The following JKAMP variants were observed in gnomAD, a reference collection of about 807,000 sequenced individuals.
JKAMP encodes JNK1/MAPK8 associated membrane protein.
In JKAMP, 20 loss-of-function variants were observed where a neutral mutation model predicts 40.2. The observed-to-expected ratio is 0.50, with a 90% CI of 0.35 to 0.72. The LOEUF (loss-of-function observed/expected upper bound fraction) is 0.72, where lower values mean the gene tolerates loss of function less well. Ranked by LOEUF, JKAMP falls within the 30% of genes least tolerant of loss-of-function variation. The pLI is 0.01. For missense variants in JKAMP, 276 were observed against 373.0 expected (o/e 0.74, Z 2.14); for synonymous variants, 138 against 131.6 (o/e 1.05, Z -0.33).
At chr14:59,501,886 T>C (rs1475663372) in intron 6 of JKAMP, among the ~76,000 whole-genome samples, 2 of 152,194 alleles carry the variant, frequency 1.3e-5, no homozygotes, top group Non-Finnish European at 2.9e-5. Flanking sequence ...AAAAATTGTG[T>C]ATGTCTTTAT....
chr14:59,505,235 T>G lies in JKAMP; in HGVS notation c.*1163T>G. The G allele has an allele frequency of 1.4e-6, 2 of 1,449,340 alleles. No homozygotes were observed. Among genetic ancestry groups the G allele is most frequent in the Non-Finnish European group, 1.9e-6 (2 of 1,079,838 alleles). 89.8% of individuals were successfully genotyped at this position (1,449,340 alleles called of 1,614,324 possible). On this transcript the variant is annotated 3_prime_UTR_variant, in exon 7 of 7. Coordinates refer to ENST00000616435, the MANE Select transcript of JKAMP (RefSeq NM_016475.5). ...TTTGAATTCACAGCAGTTGTATCCT[T>G]GAGTTACTTTGTTAATGTATTTTTC...
intron 5 of JKAMP, among the ~76,000 whole-genome samples, chr14:59,500,476 T>C (rs1938944489): frequency 6.6e-6 from 1 of 152,160 alleles, no homozygotes; most frequent in South Asian, 2.1e-4. Context: ...AGGAAAAAAT[T>C]TGCTTAAAGT....
intron 3 of JKAMP, among the ~76,000 whole-genome samples, chr14:59,492,028 A>C (rs1891054015): frequency 1.3e-5 from 2 of 152,186 alleles, no homozygotes; most frequent in South Asian, 4.1e-4. Context: ...GTGGTTACTA[A>C]ATAAAATAGC....
intron 6 of JKAMP, among the ~76,000 whole-genome samples, chr14:59,503,019 A>G (rs1432406213): frequency 6.6e-6 from 1 of 151,934 alleles, no homozygotes; most frequent in African/African-American, 2.4e-5. Context: ...CAGTGCTGAG[A>G]TTACAGGGGT....
intron 3 of JKAMP, among the ~76,000 whole-genome samples, chr14:59,491,324 C>T (rs368469549): frequency 7.9e-5 from 12 of 152,108 alleles, no homozygotes; most frequent in Admixed American, 3.9e-4. Context: ...TCCAGAAAGA[C>T]AAAAAGACTC....
intron 3 of JKAMP, among the ~76,000 whole-genome samples, chr14:59,490,289 G>A (rs1285186197): frequency 6.6e-6 from 1 of 152,162 alleles, no homozygotes; most frequent in Non-Finnish European, 1.5e-5. Context: ...ATTACTGTGA[G>A]CACAGCTCCA....
chr14:59,487,611 TG>T (rs944923781), intron 2 of JKAMP, 62 bp from the exon 3 acceptor site: 42 of 1,226,246 alleles, frequency 3.4e-5, no homozygotes, highest in African/African-American at 2.8e-4. Context: ...TAGAATGATT[TG>T]GGGGGGTGTT....
rs1473637093 is a variant in JKAMP at position 59,498,830 on chromosome 14, C to G, written c.562C>G (p.Arg188Gly). The G allele has an allele frequency of 2.5e-6, 4 of 1,611,622 alleles. No homozygotes were observed. Among genetic ancestry groups the G allele is most frequent in the Non-Finnish European group, 3.4e-6 (4 of 1,178,266 alleles). Residue 188 changes from arginine (R) to glycine (G), a missense_variant, in exon 5 of 7, where the codon CGA becomes GGA. By Grantham distance (125) the Arg-to-Gly change is moderately radical. Transcript: ENST00000616435. ...KIACGLGKSD[R>G]FKSIYAALYF... ...TGCATGTGGGTTAGGGAAATCTGATCGATTTAAAAGTATTTATGCTGCACT... is the reference window on the plus strand; with the variant it reads ...TGCATGTGGGTTAGGGAAATCTGATGGATTTAAAAGTATTTATGCTGCACT...
Position 59,496,284 on chromosome 14 carries a change from T to C in JKAMP, c.458+1060T>C, listed in dbSNP as rs116031852. Reference sequence around the variant, plus strand: ...GCTATAATTTATATATAAAATACTATATAAAACACTGATAATGTCCTTTTT... The same window carrying C: ...GCTATAATTTATATATAAAATACTACATAAAACACTGATAATGTCCTTTTT... On this transcript the variant is annotated intron_variant, in intron 4 of 6. Coordinates refer to ENST00000616435, the MANE Select transcript of JKAMP (RefSeq NM_016475.5). 7.4e-3 allele frequency among the ~76,000 whole-genome samples: 1,116 copies of C among 150,932 alleles called. 14 individuals carry two copies. Among genetic ancestry groups the C allele is most frequent in the African/African-American group, 0.025 (1,053 of 41,298 alleles).
chr14:59,491,359 C>T (rs1313523598), intron 3 of JKAMP, among the ~76,000 whole-genome samples: 1 of 152,086 alleles, frequency 6.6e-6, no homozygotes, highest in Non-Finnish European at 1.5e-5. Context: ...GAGAGGAGTT[C>T]TAAAATTGTA....
chr14:59,502,773 T>TTTTTGTTTTGTTTTTTTTTTTTTTTTTTG (rs796697193), intron 6 of JKAMP, among the ~76,000 whole-genome samples: 1 of 102,836 alleles, frequency 9.7e-6, no homozygotes. Context: ...TTTTTTTTTT[T>TTTTTGTTTTGTTTTTTTTTTTTTTTTTTG]CGGAGTCTCA....
intron 4 of JKAMP, among the ~76,000 whole-genome samples, chr14:59,495,862 G>C (rs1357381410): frequency 3.3e-5 from 5 of 151,338 alleles, no homozygotes; most frequent in Non-Finnish European, 7.4e-5. Flanking sequence ...AAAACAACCA[G>C]ATATCTTAGA....
intron 6 of JKAMP, among the ~76,000 whole-genome samples, chr14:59,503,039 C>G (rs527518722): frequency 6.6e-6 from 1 of 151,890 alleles, no homozygotes; most frequent in Non-Finnish European, 1.5e-5. Context: ...TGAGCCACCA[C>G]GCCTGACCTT....
At chr14:59,496,362 C>G (rs1405587289) in intron 4 of JKAMP, among the ~76,000 whole-genome samples, 1 of 151,612 alleles carries the variant, frequency 6.6e-6, no homozygotes, top group African/African-American at 2.4e-5. Flanking sequence ...ACCCTCTTGT[C>G]ATATAACTCT....
intron 3 of JKAMP, among the ~76,000 whole-genome samples, chr14:59,493,819 T>G (rs887675474): frequency 2.0e-5 from 3 of 152,182 alleles, no homozygotes; most frequent in Admixed American, 1.3e-4. Flanking sequence ...TCAAGGATTA[T>G]GATCATATTA....
chr14:59,495,205 C>T lies in JKAMP; in HGVS notation c.439C>T (p.His147Tyr), dbSNP rs948015182. The part of the protein sequence containing the change: ...PDYVTTVHCT[H>Y]EAVYPLYTIV... ...TTACGTTACCACAGTACACTGTACT[C>T]ATGAAGCCGTCTACCCACTGTAAGT... The change falls in exon 4 of 7, where the codon CAT (histidine) becomes TAT (tyrosine). Residue 147 changes from histidine to tyrosine, a missense_variant. His to Tyr is a moderately conservative substitution (Grantham distance 83). Transcript: ENST00000616435. 1.9e-6 allele frequency: 3 copies of T among 1,609,972 alleles called. No homozygotes were observed. The highest frequency in any genetic ancestry group is 2.7e-5 in the African/African-American group (2 of 74,818).
rs760996086 is a variant in JKAMP at position 59,502,760 on chromosome 14, T to TGTTTTGTTTTGTTTTGTTTTTTTTTG, written c.718-1094_718-1093insGTTTTGTTTTGTTTTGTTTTTTTTTG. On this transcript the variant is annotated intron_variant, in intron 6 of 6. Coordinates refer to ENST00000616435, the MANE Select transcript of JKAMP (RefSeq NM_016475.5). ...TTTGAATAAAATGAGATTTTTTTTT[T>TGTTTTGTTTTGTTTTGTTTTTTTTTG]TTTTTTTTTTTTTCGGAGTCTCACT... 4.7e-4 allele frequency among the ~76,000 whole-genome samples: 61 copies of TGTTTTGTTTTGTTTTGTTTTTTTTTG among 130,152 alleles called. 2 individuals are homozygous for TGTTTTGTTTTGTTTTGTTTTTTTTTG. Among genetic ancestry groups the TGTTTTGTTTTGTTTTGTTTTTTTTTG allele is most frequent in the Middle Eastern group, 3.8e-3 (1 of 266 alleles). 85.4% of individuals were successfully genotyped at this position (130,152 alleles called of 152,430 possible).
In JKAMP at chr14:59,505,349, T is replaced by G. The variant is rs1260956534; in HGVS notation, c.*1277T>G. The G allele has an allele frequency of 8.2e-7, 1 of 1,218,404 alleles. No individual in the cohort carries two copies. Among genetic ancestry groups the G allele is most frequent in the African/African-American group, 1.5e-5 (1 of 65,440 alleles). 75.5% of individuals were successfully genotyped at this position (1,218,404 alleles called of 1,614,324 possible). ...ATAAAAAATAAATATAAAAATTTTA[T>G]TTGTATTGCACACATTTGGGGGGTT... is the stretch of plus-strand genomic sequence containing the variant. On this transcript the variant is annotated 3_prime_UTR_variant, in exon 7 of 7. Coordinates refer to ENST00000616435, the MANE Select transcript of JKAMP (RefSeq NM_016475.5).
At chr14:59,493,420 G>A (rs542405431) in intron 3 of JKAMP, among the ~76,000 whole-genome samples, 3 of 152,156 alleles carry the variant, frequency 2.0e-5, no homozygotes, top group African/African-American at 7.2e-5. Flanking sequence ...ACCATGTGGA[G>A]CAGAAAGAAC....
Sources: allele counts gnomAD v4.1 joint callset (sites outside exome capture counted in the v4.1 genomes callset), GRCh38; gene constraint gnomAD v4.1.1; transcripts MANE v1.5; gene names NCBI Gene and HGNC (gene_info 2026-07-23, HGNC 2026-07-21).